Variants in MGAT5B observed in about 807,000 individuals in gnomAD.
The protein encoded by MGAT5B is N-acetylglucosaminyl-transferase Vb.
In MGAT5B, 54 loss-of-function variants were observed where a neutral mutation model predicts 95.1. The observed-to-expected ratio is 0.57, with a 90% CI of 0.46 to 0.71. MGAT5B has a LOEUF of 0.71. MGAT5B is among the 30% of genes least tolerant of loss of function. MGAT5B has a pLI of 0.00. For synonymous variants in MGAT5B, 464 were observed against 451.0 expected, an observed-to-expected ratio of 1.03 and a Z score of -0.36; for missense variants, 935 against 1,088.6, an observed-to-expected ratio of 0.86 and a Z score of 1.99.
In MGAT5B at chr17:76,905,953, C is replaced by G; in HGVS notation, c.856-65C>G. On this transcript the variant is annotated intron_variant, in intron 7 of 17. Transcript: ENST00000569840. The surrounding 1 kb of genome is among the most constrained non-coding windows in gnomAD (Gnocchi z 4.2). ...TGCCGGCTGGTCTCCTGGCCGGTGCCCCGGGGGGGCGGGGCTCAGAGCTGC... is the reference window on the plus strand; with the variant it reads ...TGCCGGCTGGTCTCCTGGCCGGTGCGCCGGGGGGGCGGGGCTCAGAGCTGC... 5.3e-6 allele frequency: 8 copies of G among 1,496,606 alleles called. No homozygotes were observed. In the South Asian group the frequency reaches 1.1e-4, roughly 20 times the overall value. 92.7% of individuals were successfully genotyped at this position (1,496,606 alleles called of 1,614,324 possible).
Position 76,905,194 on chromosome 17 carries a change from A to G in MGAT5B, c.716A>G (p.His239Arg). 1.2e-6 allele frequency: 2 copies of G among 1,612,594 alleles called. No homozygotes were observed. The highest frequency in any genetic ancestry group is 1.7e-6 in the Non-Finnish European group (2 of 1,178,868). The change falls in exon 7 of 18, where the codon CAC becomes CGC. Residue 239 changes from histidine to arginine, a missense_variant. By Grantham distance (29) the His-to-Arg change is conservative. This residue lies in a region of MGAT5B where 243 missense variants were observed against 305.5 expected (regional missense o/e 0.80). Transcript: ENST00000569840. This position sits in a 1 kb window ranked among gnomAD's most constrained non-coding sequence, Gnocchi z 4.2. ...GCAGTTTTCCGAAGCAACCTGTCCC[A>G]CCTTCTGGACCTGATGGGCAGCGGG... is the stretch of plus-strand genomic sequence containing the variant. ...VQAVFRSNLS[H>R]LLDLMGSGKE...
rs533374692 is a variant in MGAT5B, at chr17:76,905,012, C to T, written c.691-157C>T. 4.6e-5 allele frequency among the ~76,000 whole-genome samples: 7 copies of T among 152,296 alleles called. No individual in the cohort carries two copies. Among genetic ancestry groups the T allele is most frequent in the African/African-American group, 1.7e-4 (7 of 41,572 alleles). ...TGTGTTGACAGGGCGGGCAGGGCTC[C>T]CTGGTTTTGGGGGCTAATGAGCCCC... On this transcript the variant is annotated intron_variant, in intron 6 of 17. Transcript: ENST00000569840. The surrounding 1 kb of genome is among the most constrained non-coding windows in gnomAD (Gnocchi z 4.2).
At chr17:76,947,652 T>A (rs868779312) in intron 16 of MGAT5B, among the ~76,000 whole-genome samples, 178 bp from the exon 17 acceptor site, 12 of 152,314 alleles carry the variant, frequency 7.9e-5, no homozygotes, top group Middle Eastern at 6.8e-3. Context: ...CTGTAAGCGA[T>A]CTGGAGACAC....
chr17:76,903,221 G>A, intron 4 of MGAT5B, 82 bp from the exon 5 acceptor site: 2 of 1,064,088 alleles, frequency 1.9e-6, no homozygotes, highest in Non-Finnish European at 2.8e-6. Context: ...GATTGTGTGG[G>A]AAGCTGCCTC....
intron 9 of MGAT5B, among the ~76,000 whole-genome samples, chr17:76,926,128 C>T (rs1317887975): frequency 1.3e-5 from 2 of 152,156 alleles, no homozygotes; most frequent in African/African-American, 4.8e-5. Flanking sequence ...ATGGGCAGTG[C>T]CTGGGACCCT....
Position 76,940,874 on chromosome 17 carries a change from AC to A in MGAT5B, c.1848+32del. The A allele has an allele frequency of 6.4e-7, 1 of 1,556,196 alleles. No homozygotes were observed. On this transcript the variant is annotated intron_variant, in intron 15 of 17. Transcript: ENST00000569840. The surrounding 1 kb of genome is among the most constrained non-coding windows in gnomAD (Gnocchi z 4.3). ...GTGAGAGCAGCCACATACAGTTGAG[AC>A]CCCCCACTAGTCCACACTGCTGGTC...
intron 15 of MGAT5B, among the ~76,000 whole-genome samples, chr17:76,943,536 C>A (rs1969932227): frequency 6.6e-6 from 1 of 151,364 alleles, no homozygotes; most frequent in South Asian, 2.1e-4. Context: ...GCATTTTAAA[C>A]AAGAACTCTG....
At chr17:76,932,555 G>A in intron 10 of MGAT5B, 90 bp from the exon 11 acceptor site, 2 of 1,539,612 alleles carry the variant, frequency 1.3e-6, no homozygotes, top group South Asian at 2.4e-5. Context: ...CCTGCCAAAA[G>A]AGGACCTCTT....
At chr17:76,894,980 C>T (rs1054676571) in intron 3 of MGAT5B, among the ~76,000 whole-genome samples, 18 of 152,268 alleles carry the variant, frequency 1.2e-4, no homozygotes, top group East Asian at 1.9e-4. Context: ...TGGCATGGAC[C>T]GGTACCGCTC....
At position 76,946,635 on chromosome 17, in the gene MGAT5B, G is replaced by C. The variant is rs553772803; in HGVS notation, c.1923+185G>C. Among the ~76,000 whole-genome samples the C allele has an allele frequency of 2.0e-5, 3 of 150,252 alleles. No homozygotes were observed. In the East Asian group the frequency reaches 5.8e-4, roughly 29 times the overall value. ...TGGAGACAGGCAGGCCTGACTGCGG[G>C]CCTGGAAAGCAGCACACTCCGGGCA... On this transcript the variant is annotated intron_variant, in intron 16 of 17. Coordinates refer to ENST00000569840, the MANE Select transcript of MGAT5B (RefSeq NM_001199172.2).
chr17:76,885,137 G>A (rs940229543), intron 3 of MGAT5B, among the ~76,000 whole-genome samples: 3 of 152,146 alleles, frequency 2.0e-5, no homozygotes, highest in Admixed American at 2.0e-4. Context: ...GTGGAGATGG[G>A]GAGTGCCTGC....
At position 76,917,791 on chromosome 17, in the gene MGAT5B, A is replaced by G. The variant is rs1435333456; in HGVS notation, c.1026-7175A>G. Among the ~76,000 whole-genome samples, 1 of 152,204 alleles carries G rather than the reference A, an allele frequency of 6.6e-6. No individual in the cohort carries two copies. The highest frequency in any genetic ancestry group is 2.4e-5 in the African/African-American group (1 of 41,452). ...GGAGTCACCCGAGGAGCTGAAAATA[A>G]TCCCCGACGCCCAGGCCCCAGCCCG... On this transcript the variant is annotated intron_variant, in intron 8 of 17. Transcript: ENST00000569840. This position sits in a 1 kb window ranked among gnomAD's most constrained non-coding sequence, Gnocchi z 6.1.
intron 15 of MGAT5B, among the ~76,000 whole-genome samples, chr17:76,943,624 G>GT: frequency 9.6e-6 from 1 of 103,656 alleles, no homozygotes; most frequent in African/African-American, 5.3e-5. Context: ...GGGGTGGGGT[G>GT]GGGGGGGGGT....
intron 3 of MGAT5B, among the ~76,000 whole-genome samples, chr17:76,885,845 C>T (rs927607713): frequency 6.6e-6 from 1 of 152,208 alleles, no homozygotes; most frequent in African/African-American, 2.4e-5. Flanking sequence ...GTTAACCAAC[C>T]TGCAGCTAGA....
At chr17:76,893,164 C>T (rs994026555) in intron 3 of MGAT5B, among the ~76,000 whole-genome samples, 7 of 152,096 alleles carry the variant, frequency 4.6e-5, no homozygotes, top group African/African-American at 1.7e-4. Context: ...CAGGGTCAGC[C>T]CACACAGACA....
At position 76,872,920 on chromosome 17, in the gene MGAT5B, G is replaced by T. The variant is rs1289165130; in HGVS notation, c.138G>T (p.Ser46=). ...TGACGTCTCTGGGAGGCCAGTTCTC[G>T]GCCCGGCGCCTGGGGGACTCGCCAT... ...FLMTSLGGQF[S]ARRLGDSPFT... The change falls in exon 2 of 18, where the codon TCG becomes TCT. Residue 46 remains serine, a synonymous_variant. Coordinates refer to ENST00000569840, the MANE Select transcript of MGAT5B (RefSeq NM_001199172.2). 10 of 1,614,156 alleles carry T rather than the reference G, an allele frequency of 6.2e-6. No individual in the cohort carries two copies. The East Asian group carries it at 8.9e-5, about 14-fold the overall frequency.
rs1220673992 is a variant in MGAT5B at position 76,868,904 on chromosome 17, G to A, written c.-126G>A. The A allele has an allele frequency of 1.2e-5, 10 of 806,890 alleles. No homozygotes were observed. The African/African-American group carries it at 1.7e-4, about 13-fold the overall frequency. The allele number at this position is 806,890 out of a possible 1,614,324, so 50.0% of individuals were successfully genotyped here. ...GAGCAGCGAGGCCACCGGGCCGCGC[G>A]CTCCCAGCTTCGCTCGGACGCGGCT... is the stretch of plus-strand genomic sequence containing the variant. On this transcript the variant is annotated 5_prime_UTR_variant, in exon 1 of 18. Coordinates refer to ENST00000569840, the MANE Select transcript of MGAT5B (RefSeq NM_001199172.2). This position sits in a 1 kb window ranked among gnomAD's most constrained non-coding sequence, Gnocchi z 6.3.
At chr17:76,899,944 C>G (rs956124153) in intron 3 of MGAT5B, among the ~76,000 whole-genome samples, 2 of 152,196 alleles carry the variant, frequency 1.3e-5, no homozygotes, top group African/African-American at 4.8e-5. Context: ...ACCCAAGTCC[C>G]TGTGGCTGCT....
chr17:76,939,029 G>GGGGGT lies in MGAT5B; in HGVS notation c.1584+887_1584+888insGGGTG, dbSNP rs1237086611. On this transcript the variant is annotated intron_variant, in intron 13 of 17. Coordinates refer to ENST00000569840, the MANE Select transcript of MGAT5B (RefSeq NM_001199172.2). ...AGCTTGTTTCCCAAGGCATCTTGGG[G>GGGGGT]GTGTGTGTGTGTGTGTGTGTGTGTG... Among the ~76,000 whole-genome samples, 944 of 128,258 alleles carry GGGGGT rather than the reference G, an allele frequency of 7.4e-3. 6 individuals are homozygous for GGGGGT. Among genetic ancestry groups the GGGGGT allele is most frequent in the East Asian group, 0.02 (87 of 4,306 alleles). 84.1% of individuals were successfully genotyped at this position (128,258 alleles called of 152,430 possible). A position where few individuals can be genotyped will look rare whatever the true frequency, so the allele number is the denominator to read the frequency against.
Sources: gnomAD v4.1 joint callset for allele counts (sites outside exome capture counted in the v4.1 genomes callset) on GRCh38, gnomAD v4.1.1 for gene constraint, gnomAD v4.1.1 regional missense constraint, Gnocchi (gnomAD v3.1) non-coding constraint, MANE v1.5 for transcripts, NCBI Gene and HGNC (gene_info 2026-07-23, HGNC 2026-07-21) for gene names.